The following NCALD variants were observed in gnomAD, a reference collection of about 807,000 sequenced individuals.
NCALD encodes neurocalcin-delta.
Under a neutral mutation model 18.6 loss-of-function variants are expected in NCALD, and 10 were observed. The ratio of observed to expected loss-of-function variants is 0.54; its 90% CI spans 0.33 to 0.91. NCALD has a LOEUF of 0.91. Among genes scored for constraint, NCALD ranks in the 40% least tolerant of loss-of-function variants. The pLI is 0.03. For synonymous variants in NCALD, 88 were observed against 87.4 expected (o/e 1.01, Z -0.04); for missense variants, 184 against 247.6 (o/e 0.74, Z 1.72).
chr8:102,089,319 G>A (rs536024132), intron 1 of NCALD, among the ~76,000 whole-genome samples: 9 of 151,944 alleles, frequency 5.9e-5, no homozygotes, highest in African/African-American at 1.7e-4. Flanking sequence ...GCATGAACCC[G>A]GGAGGCGGAG....
intron 1 of NCALD, among the ~76,000 whole-genome samples, chr8:102,031,794 T>C (rs1056060565): frequency 2.0e-5 from 3 of 152,200 alleles, no homozygotes; most frequent in African/African-American, 7.2e-5. Flanking sequence ...GATTTGAGTA[T>C]GAAAACATGA....
intron 2 of NCALD, among the ~76,000 whole-genome samples, chr8:101,712,749 C>A (rs1296486430): frequency 6.6e-6 from 1 of 152,048 alleles, no homozygotes; most frequent in Non-Finnish European, 1.5e-5. Flanking sequence ...TATATATGCA[C>A]CCAATACAGG....
At chr8:101,926,321 A>G (rs1279753001) in intron 2 of NCALD, among the ~76,000 whole-genome samples, 1 of 152,098 alleles carries the variant, frequency 6.6e-6, no homozygotes, top group Non-Finnish European at 1.5e-5. Flanking sequence ...ATAGCCTTCC[A>G]ATAAACTTTT....
intron 4 of NCALD, among the ~76,000 whole-genome samples, chr8:101,851,205 C>A (rs891400048): frequency 2.0e-5 from 3 of 151,924 alleles, no homozygotes. Context: ...GATTATAAGA[C>A]AAATCTATAA....
At chr8:101,907,441 G>A (rs1817647076) in intron 3 of NCALD, among the ~76,000 whole-genome samples, 1 of 151,688 alleles carries the variant, frequency 6.6e-6, no homozygotes, top group African/African-American at 2.4e-5. Flanking sequence ...GAAATAATAT[G>A]TTAAATGGAG....
intron 1 of NCALD, among the ~76,000 whole-genome samples, chr8:101,734,537 C>G (rs1294213916): frequency 6.6e-6 from 1 of 152,212 alleles, no homozygotes; most frequent in Non-Finnish European, 1.5e-5. Context: ...TTGTCATTGA[C>G]AAATTGACAA....
At chr8:101,889,148 C>CA (rs879914763) in intron 3 of NCALD, among the ~76,000 whole-genome samples, 5 of 152,156 alleles carry the variant, frequency 3.3e-5, no homozygotes, top group African/African-American at 4.8e-5. Context: ...AACTCTGATG[C>CA]AAAGCTGGAG....
intron 1 of NCALD, among the ~76,000 whole-genome samples, chr8:101,731,915 CAAAG>C (rs1471592196): frequency 1.3e-5 from 2 of 152,200 alleles, no homozygotes; most frequent in Non-Finnish European, 2.9e-5. Flanking sequence ...CTGTCCCAAA[CAAAG>C]AAACTGTGGG....
In NCALD at chr8:102,081,561, AAAAAAAAAAAAAAAAC is replaced by A. The variant is rs1424783768; in HGVS notation, c.-210+42660_-210+42675del. Reference sequence around the variant, plus strand: ...AAATAATGGTAAAAAAAAAAAAAAAAAAAAAAAAAAAAAAACCCCAAAAAAAACTGGCTTTGCGCAT... The same window carrying A: ...AAATAATGGTAAAAAAAAAAAAAAAACCCAAAAAAAACTGGCTTTGCGCAT... On this transcript the variant is annotated intron_variant, in intron 1 of 6. Coordinates refer to the NCALD transcript ENST00000311028. Among the ~76,000 whole-genome samples the A allele has an allele frequency of 5.1e-4, 57 of 112,538 alleles. 1 individual carries two copies. The highest frequency in any genetic ancestry group is 1.3e-3 in the Admixed American group (15 of 11,944). The allele number at this position is 112,538 out of a possible 152,430, so 73.8% of individuals were successfully genotyped here.
intron 1 of NCALD, among the ~76,000 whole-genome samples, chr8:102,022,470 G>A (rs764893145): frequency 1.1e-4 from 17 of 152,160 alleles, no homozygotes; most frequent in South Asian, 2.1e-4. Context: ...TTCAGATTGA[G>A]AACACTGCAC....
intron 2 of NCALD, among the ~76,000 whole-genome samples, chr8:101,964,156 C>G (rs939388211): frequency 1.3e-5 from 2 of 152,078 alleles, no homozygotes; most frequent in African/African-American, 4.8e-5. Flanking sequence ...CTCAAGTTTC[C>G]AGACTGCTCA....
At chr8:101,866,683 C>T (rs1401542915) in intron 4 of NCALD, among the ~76,000 whole-genome samples, 1 of 152,154 alleles carries the variant, frequency 6.6e-6, no homozygotes, top group African/African-American at 2.4e-5. Flanking sequence ...TGAGAAAATC[C>T]TGTTATATGA....
chr8:102,043,851 A>G lies in NCALD; in HGVS notation c.-209-23562T>C, dbSNP rs1473968743. ...AGGGGGCTTGGAAGGAGAAAATTAC[A>G]TTACTGCTCGTTGTCTTTGCTTCCC... On this transcript the variant is annotated intron_variant, in intron 1 of 6. Transcript: ENST00000311028. 4.0e-5 allele frequency among the ~76,000 whole-genome samples: 6 copies of G among 151,700 alleles called. 1 individual carries two copies. The highest frequency in any genetic ancestry group is 1.2e-4 in the African/African-American group (5 of 41,100).
chr8:101,804,050 C>A (rs113003764), intron 4 of NCALD, among the ~76,000 whole-genome samples: 2 of 151,964 alleles, frequency 1.3e-5, no homozygotes, highest in Non-Finnish European at 2.9e-5. Flanking sequence ...CCTGATCAGT[C>A]AGCAGCCATC....
chr8:101,752,247 CTTCT>C (rs1563731653), intron 1 of NCALD, among the ~76,000 whole-genome samples: 1 of 152,118 alleles, frequency 6.6e-6, no homozygotes, highest in East Asian at 1.9e-4. Context: ...CTTACATCTG[CTTCT>C]TTATTTCTAA....
rs180952463 is a variant in NCALD, at chr8:102,085,387, T to C, written c.-210+38850A>G. On this transcript the variant is annotated intron_variant, in intron 1 of 6. Transcript: ENST00000311028. ...ACTCCTATCTATGCAGCATAAACAG[T>C]ACTTCCCTAGCATGATGATGGAAGA... 1.8e-3 allele frequency among the ~76,000 whole-genome samples: 270 copies of C among 152,310 alleles called. 3 individuals are homozygous for C. Among genetic ancestry groups the C allele is most frequent in the African/African-American group, 6.2e-3 (257 of 41,566 alleles).
At position 101,803,316 on chromosome 8, in the gene NCALD, T is replaced by C. The variant is rs547637541; in HGVS notation, c.-19-83668A>G. 2.2e-4 allele frequency among the ~76,000 whole-genome samples: 34 copies of C among 152,336 alleles called. 1 individual carries two copies. Among genetic ancestry groups the C allele is most frequent in the African/African-American group, 8.2e-4 (34 of 41,580 alleles). ...ATGGGTTACTATGTTAAGCCCATTG[T>C]TGAGACCTACTGCTCAGAAAAAAAG... is the stretch of plus-strand genomic sequence containing the variant. On this transcript the variant is annotated intron_variant, in intron 4 of 6. Coordinates refer to the NCALD transcript ENST00000311028.
chr8:101,968,037 GC>G (rs1820097932), intron 2 of NCALD, among the ~76,000 whole-genome samples: 1 of 152,154 alleles, frequency 6.6e-6, no homozygotes, highest in Non-Finnish European at 1.5e-5. Context: ...ATGATTGGTT[GC>G]CCCTTAAGAG....
chr8:101,989,254 CAGTTTTCAAAAGGAGCTAAAAT>C (rs1820952235), intron 2 of NCALD, among the ~76,000 whole-genome samples: 1 of 152,146 alleles, frequency 6.6e-6, no homozygotes, highest in Non-Finnish European at 1.5e-5. Context: ...GCAGAGCACA[CAGTTTTCAAAAGGAGCTAAAAT>C]AGGCCCTGGA....
Sources: gnomAD v4.1 joint callset for allele counts (sites outside exome capture counted in the v4.1 genomes callset) on GRCh38, gnomAD v4.1.1 for gene constraint, MANE v1.5 for transcripts, NCBI Gene and HGNC (gene_info 2026-07-23, HGNC 2026-07-21) for gene names.